The following DLGAP2 variants were observed in gnomAD, a reference collection of about 807,000 sequenced individuals.
The protein encoded by DLGAP2 is DLG associated protein 2, also known as disks large-associated protein 2.
In DLGAP2, 26 loss-of-function variants were observed where a neutral mutation model predicts 100.3. The ratio of observed to expected loss-of-function variants is 0.26; its 90% CI spans 0.19 to 0.36. The LOEUF (loss-of-function observed/expected upper bound fraction) is 0.36. Ranked by LOEUF, DLGAP2 falls within the 10% of genes least tolerant of loss-of-function variation. The pLI is 1.00. For synonymous variants in DLGAP2, 886 were observed against 630.1 expected (o/e 1.41, Z -6.08); for missense variants, 1,858 against 1,453.2 (o/e 1.28, Z -4.53).
chr8:848,388 G>A (rs549339628), intron 1 of DLGAP2, among the ~76,000 whole-genome samples: 22 of 114,754 alleles, frequency 1.9e-4, no homozygotes, highest in African/African-American at 3.2e-4. Context: ...CGTGCGGTGC[G>A]TGTTCCAGTG....
intron 1 of DLGAP2, among the ~76,000 whole-genome samples, chr8:783,836 A>G (rs1821765140): frequency 6.6e-6 from 1 of 152,128 alleles, no homozygotes; most frequent in Non-Finnish European, 1.5e-5. Flanking sequence ...CTGCTGGTGA[A>G]GTTAGTGACT....
At chr8:933,511 G>A (rs1370691954) in intron 2 of DLGAP2, among the ~76,000 whole-genome samples, 1 of 143,414 alleles carries the variant, frequency 7.0e-6, no homozygotes, top group South Asian at 2.3e-4. Context: ...TGAGGGCAGA[G>A]CCTGCTGTGG....
chr8:1,185,864 C>T (rs981591044), intron 2 of DLGAP2, among the ~76,000 whole-genome samples: 1 of 152,166 alleles, frequency 6.6e-6, no homozygotes, highest in Non-Finnish European at 1.5e-5. Context: ...AGCAGTGACG[C>T]CCAACTTGCC....
At chr8:1,256,406 C>T (rs1360324368) in intron 2 of DLGAP2, among the ~76,000 whole-genome samples, 1 of 130,836 alleles carries the variant, frequency 7.6e-6, no homozygotes, top group Non-Finnish European at 1.6e-5. Context: ...GTGTGTGTGC[C>T]GTCTTATCCT....
chr8:1,506,945 T>A (rs894359943), intron 4 of DLGAP2, among the ~76,000 whole-genome samples: 8 of 152,212 alleles, frequency 5.3e-5, no homozygotes. Flanking sequence ...ACATAAAAGT[T>A]CTCCAAGTCC....
chr8:1,292,245 A>C (rs1210514654), intron 3 of DLGAP2, among the ~76,000 whole-genome samples: 2 of 152,180 alleles, frequency 1.3e-5, no homozygotes, highest in Non-Finnish European at 2.9e-5. Context: ...AAAACAACAA[A>C]GGTATTGGGT....
chr8:1,440,588 G>C (rs1482657965), intron 3 of DLGAP2, among the ~76,000 whole-genome samples: 1 of 152,174 alleles, frequency 6.6e-6, no homozygotes, highest in Non-Finnish European at 1.5e-5. Flanking sequence ...GACTAAAGGG[G>C]GAAAACGGCA....
At chr8:926,056 T>C (rs954794805) in intron 2 of DLGAP2, among the ~76,000 whole-genome samples, 1 of 152,130 alleles carries the variant, frequency 6.6e-6, no homozygotes, top group African/African-American at 2.4e-5. Context: ...AGCCATGCTG[T>C]CAATTTTCCG....
intron 3 of DLGAP2, among the ~76,000 whole-genome samples, chr8:1,304,943 A>G (rs1481548154): frequency 1.3e-5 from 2 of 152,228 alleles, no homozygotes; most frequent in African/African-American, 4.8e-5. Flanking sequence ...GTAATCATAT[A>G]TATACCCAGC....
At chr8:864,123 C>T (rs1458770705) in intron 1 of DLGAP2, among the ~76,000 whole-genome samples, 2 of 152,148 alleles carry the variant, frequency 1.3e-5, no homozygotes, top group African/African-American at 4.8e-5. Flanking sequence ...CATAATCCCA[C>T]TCGTGCAGAA....
At chr8:848,309 G>A (rs1165036348) in intron 1 of DLGAP2, among the ~76,000 whole-genome samples, 2 of 151,560 alleles carry the variant, frequency 1.3e-5, no homozygotes, top group African/African-American at 4.9e-5. Flanking sequence ...TGCGGTGCCT[G>A]TTCCAGTATA....
intron 1 of DLGAP2, among the ~76,000 whole-genome samples, chr8:860,304 C>T (rs1237662352): frequency 6.6e-6 from 1 of 152,162 alleles, no homozygotes; most frequent in African/African-American, 2.4e-5. Flanking sequence ...CTTTTGTGAC[C>T]AACCACTGGC....
chr8:1,566,058 G>C (rs1296115088), intron 6 of DLGAP2, among the ~76,000 whole-genome samples, 164 bp downstream of exon 6: 2 of 152,148 alleles, frequency 1.3e-5, no homozygotes, highest in Non-Finnish European at 2.9e-5. Flanking sequence ...TTTTTTTAAA[G>C]AACAACCAGA....
At chr8:1,268,678 T>A (rs1244083953) in intron 3 of DLGAP2, among the ~76,000 whole-genome samples, 1 of 152,252 alleles carries the variant, frequency 6.6e-6, no homozygotes, top group African/African-American at 2.4e-5. Flanking sequence ...TGGGTGGTTA[T>A]TAGATTTCCT....
chr8:1,201,176 G>A (rs541297143), intron 2 of DLGAP2, among the ~76,000 whole-genome samples: 4 of 152,322 alleles, frequency 2.6e-5, no homozygotes, highest in East Asian at 3.9e-4. Flanking sequence ...AAGCCGCTGC[G>A]TAGGGAGCCC....
At chr8:797,718 C>T (rs1324576598) in intron 1 of DLGAP2, among the ~76,000 whole-genome samples, 1 of 152,128 alleles carries the variant, frequency 6.6e-6, no homozygotes, top group Non-Finnish European at 1.5e-5. Flanking sequence ...TCAGCACTTG[C>T]TGGTGTCAGT....
chr8:850,447 A>G (rs1430153039), intron 1 of DLGAP2, among the ~76,000 whole-genome samples: 1 of 152,154 alleles, frequency 6.6e-6, no homozygotes. Flanking sequence ...ATTTGCTTTT[A>G]AGTGTTTTTA....
At chr8:1,139,718 G>GT (rs1370845787) in intron 2 of DLGAP2, among the ~76,000 whole-genome samples, 1 of 152,166 alleles carries the variant, frequency 6.6e-6, no homozygotes, top group Non-Finnish European at 1.5e-5. Context: ...ACAGGCCCCT[G>GT]TTATTTCAGG....
chr8:1,289,206 G>C (rs1003490146), intron 3 of DLGAP2, among the ~76,000 whole-genome samples: 1 of 152,138 alleles, frequency 6.6e-6, no homozygotes, highest in Admixed American at 6.5e-5. Flanking sequence ...GGGAGTGAAG[G>C]ATTCATCAAA....
Sources: allele counts gnomAD v4.1 joint callset (sites outside exome capture counted in the v4.1 genomes callset), GRCh38; gene constraint gnomAD v4.1.1; transcripts MANE v1.5; gene names NCBI Gene and HGNC (gene_info 2026-07-23, HGNC 2026-07-21).